Variants in PTPRK observed in about 807,000 individuals in gnomAD.
PTPRK encodes the protein protein tyrosine phosphatase receptor type K, also known as receptor-type tyrosine-protein phosphatase kappa.
Under a neutral mutation model 178.0 loss-of-function variants are expected in PTPRK, and 75 were observed. That is an observed-to-expected ratio of 0.42 (90% confidence interval 0.35 to 0.51). PTPRK has a LOEUF of 0.51. Among genes scored for constraint, PTPRK ranks in the 20% least tolerant of loss-of-function variants. The pLI is 0.02. For synonymous variants in PTPRK, 637 were observed against 620.6 expected (o/e 1.03, Z -0.39); for missense variants, 1,441 against 1,797.8 (o/e 0.80, Z 3.59).
At chr6:128,158,280 G>T (rs374597703) in intron 7 of PTPRK, among the ~76,000 whole-genome samples, 1 of 151,868 alleles carries the variant, frequency 6.6e-6, no homozygotes, top group Non-Finnish European at 1.5e-5. Flanking sequence ...GCAGGGGGGA[G>T]TGAAGGCATT....
intron 1 of PTPRK, among the ~76,000 whole-genome samples, chr6:128,485,304 T>A (rs1010322173): frequency 6.6e-6 from 1 of 152,220 alleles, no homozygotes; most frequent in Admixed American, 6.5e-5. Context: ...AGTCTTCATG[T>A]AGTTCTGCTG....
intron 5 of PTPRK, among the ~76,000 whole-genome samples, chr6:128,221,473 G>A (rs1369281602): frequency 6.6e-6 from 1 of 150,436 alleles, no homozygotes; most frequent in Non-Finnish European, 1.5e-5. Flanking sequence ...GCAGTGAGCC[G>A]AGATCACGCC....
At chr6:128,154,445 G>A (rs1368976162) in intron 7 of PTPRK, among the ~76,000 whole-genome samples, 1 of 151,542 alleles carries the variant, frequency 6.6e-6, no homozygotes, top group South Asian at 2.1e-4. Context: ...GACAAAGAAG[G>A]TTTAATGATG....
chr6:128,245,263 A>C (rs953402385), intron 3 of PTPRK, among the ~76,000 whole-genome samples: 1 of 148,214 alleles, frequency 6.7e-6, no homozygotes, highest in Admixed American at 6.6e-5. Flanking sequence ...TTGCTTCTCA[A>C]GAAAAAGAAG....
chr6:128,040,825 T>C (rs1452314091), intron 13 of PTPRK, among the ~76,000 whole-genome samples: 1 of 151,952 alleles, frequency 6.6e-6, no homozygotes, highest in Non-Finnish European at 1.5e-5. Flanking sequence ...CAAGCAGAAA[T>C]GATAACCTCT....
intron 29 of PTPRK, among the ~76,000 whole-genome samples, chr6:127,972,558 C>T (rs1254644397): frequency 1.3e-5 from 2 of 152,120 alleles, no homozygotes; most frequent in South Asian, 2.1e-4. Flanking sequence ...GAAAACTTAA[C>T]CATGATAGTT....
chr6:128,099,203 CT>C (rs1422479176), intron 7 of PTPRK, among the ~76,000 whole-genome samples: 3 of 145,870 alleles, frequency 2.1e-5, no homozygotes, highest in South Asian at 2.1e-4. Context: ...TATATTTTTT[CT>C]TTTTTATCCA....
At chr6:128,025,830 T>C (rs551621132) in intron 13 of PTPRK, among the ~76,000 whole-genome samples, 77 of 152,330 alleles carry the variant, frequency 5.1e-4, no homozygotes, top group Middle Eastern at 3.4e-3. Context: ...TCCTCTGCTT[T>C]GCTCTTATAA....
At chr6:128,192,738 C>G (rs1804031121) in intron 6 of PTPRK, among the ~76,000 whole-genome samples, 1 of 151,444 alleles carries the variant, frequency 6.6e-6, no homozygotes, top group South Asian at 2.1e-4. Flanking sequence ...ATCACCTGAG[C>G]CTGGGAAAGT....
intron 7 of PTPRK, among the ~76,000 whole-genome samples, chr6:128,158,274 G>T (rs187880385): frequency 6.6e-5 from 10 of 151,800 alleles, no homozygotes; most frequent in Admixed American, 1.3e-4. Context: ...GTGGGGGCAG[G>T]GGGGAGTGAA....
chr6:128,090,096 G>C (rs1308539140), intron 7 of PTPRK, 104 bp from the exon 8 acceptor site: 1 of 909,932 alleles, frequency 1.1e-6, no homozygotes, highest in African/African-American at 1.7e-5. Flanking sequence ...TCTAGAAAAT[G>C]TGGAAGTCAT....
chr6:128,165,268 T>C (rs565100285), intron 7 of PTPRK, among the ~76,000 whole-genome samples: 1 of 151,588 alleles, frequency 6.6e-6, no homozygotes, highest in East Asian at 1.9e-4. Flanking sequence ...AAATAATTTT[T>C]ATTAGGAAGT....
intron 7 of PTPRK, among the ~76,000 whole-genome samples, chr6:128,103,182 TGGAGAGGAGATCA>T (rs1304026216): frequency 6.6e-6 from 1 of 151,960 alleles, no homozygotes; most frequent in Admixed American, 6.6e-5. Flanking sequence ...TGGGGAAGGC[TGGAGAGGAGATCA>T]GCCGTGAAAC....
At chr6:128,416,243 C>T (rs887048989) in intron 1 of PTPRK, among the ~76,000 whole-genome samples, 3 of 151,874 alleles carry the variant, frequency 2.0e-5, no homozygotes, top group Non-Finnish European at 2.9e-5. Flanking sequence ...GAATGACGAC[C>T]ACCACACACA....
intron 29 of PTPRK, among the ~76,000 whole-genome samples, chr6:127,972,610 A>G (rs1269025095): frequency 2.0e-5 from 3 of 152,240 alleles, no homozygotes; most frequent in African/African-American, 4.8e-5. Flanking sequence ...GAATAATTAT[A>G]GATAATGACA....
intron 3 of PTPRK, among the ~76,000 whole-genome samples, chr6:128,286,317 T>G (rs1822500489): frequency 6.6e-6 from 1 of 152,168 alleles, no homozygotes; most frequent in African/African-American, 2.4e-5. Context: ...TCCAAATATT[T>G]TTGTTCTCCT....
chr6:128,081,614 A>G (rs925587486), intron 10 of PTPRK, among the ~76,000 whole-genome samples: 2 of 152,180 alleles, frequency 1.3e-5, no homozygotes, highest in East Asian at 3.9e-4. Context: ...GAATTAACAA[A>G]GTCAAAATTT....
intron 6 of PTPRK, among the ~76,000 whole-genome samples, chr6:128,201,084 A>G (rs1051090599): frequency 6.6e-6 from 1 of 152,154 alleles, no homozygotes; most frequent in Non-Finnish European, 1.5e-5. Context: ...TTTGATTACT[A>G]AGCACTATGA....
intron 6 of PTPRK, among the ~76,000 whole-genome samples, chr6:128,209,366 C>G (rs958532951): frequency 6.6e-6 from 1 of 152,126 alleles, no homozygotes; most frequent in Non-Finnish European, 1.5e-5. Flanking sequence ...CACTGTGTTA[C>G]AGTCAATATT....
Sources: allele counts gnomAD v4.1 joint callset (sites outside exome capture counted in the v4.1 genomes callset), GRCh38; gene constraint gnomAD v4.1.1; transcripts MANE v1.5; gene names NCBI Gene and HGNC (gene_info 2026-07-23, HGNC 2026-07-21).